Variants in GRIN2B observed in about 807,000 individuals in gnomAD.
GRIN2B encodes the protein glutamate ionotropic receptor NMDA type subunit 2B, also known as glutamate receptor ionotropic, NMDA 2B.
GRIN2B carries 5 observed loss-of-function variants against 114.5 expected under a neutral mutation model. That is an observed-to-expected ratio of 0.04 (90% CI 0.02 to 0.09). The LOEUF (loss-of-function observed/expected upper bound fraction) is 0.09. Ranked by LOEUF, GRIN2B falls within the 10% of genes least tolerant of loss-of-function variation. The pLI is 1.00. For missense variants in GRIN2B, 1,108 were observed against 1,943.5 expected (o/e 0.57, Z 8.08); for synonymous variants, 787 against 745.1 (o/e 1.06, Z -0.92).
intron 2 of GRIN2B, among the ~76,000 whole-genome samples, chr12:13,961,564 G>A (rs777469542): frequency 1.7e-4 from 26 of 152,144 alleles, no homozygotes; most frequent in Non-Finnish European, 3.5e-4. Context: ...GTGCAAAAAT[G>A]TTGACCATTT....
chr12:13,584,232 A>C (rs748251229), intron 10 of GRIN2B, among the ~76,000 whole-genome samples: 1 of 152,154 alleles, frequency 6.6e-6, no homozygotes, highest in Non-Finnish European at 1.5e-5. Context: ...TCTCTGCCCC[A>C]AAAGCCCTGG....
chr12:13,774,261 T>C (rs902270820), intron 3 of GRIN2B, among the ~76,000 whole-genome samples: 1 of 152,208 alleles, frequency 6.6e-6, no homozygotes. Flanking sequence ...AAGATAAAGA[T>C]AGAACCACTT....
chr12:13,860,376 T>G (rs1865732761), intron 3 of GRIN2B, among the ~76,000 whole-genome samples: 1 of 152,248 alleles, frequency 6.6e-6, no homozygotes, highest in African/African-American at 2.4e-5. Flanking sequence ...TCACTCAGGC[T>G]GGAGTGCAGT....
chr12:13,662,712 C>T (rs968375492), intron 5 of GRIN2B, among the ~76,000 whole-genome samples: 5 of 152,098 alleles, frequency 3.3e-5, no homozygotes, highest in African/African-American at 4.8e-5. Flanking sequence ...TAAACCCAAT[C>T]GGCCTCGTGT....
At chr12:13,849,781 A>C (rs1392536915) in intron 3 of GRIN2B, among the ~76,000 whole-genome samples, 1 of 152,010 alleles carries the variant, frequency 6.6e-6, no homozygotes, top group Non-Finnish European at 1.5e-5. Context: ...ACAAATACAC[A>C]CTGAGCACAC....
intron 4 of GRIN2B, among the ~76,000 whole-genome samples, chr12:13,702,813 G>T (rs1394800640): frequency 6.6e-6 from 1 of 152,118 alleles, no homozygotes; most frequent in East Asian, 1.9e-4. Context: ...CATACCACAT[G>T]TTTATGTGCT....
intron 3 of GRIN2B, among the ~76,000 whole-genome samples, chr12:13,774,132 C>T (rs941926673): frequency 6.6e-6 from 1 of 152,104 alleles, no homozygotes; most frequent in Non-Finnish European, 1.5e-5. Flanking sequence ...GGGAAAACTG[C>T]TTTTCTGTTA....
chr12:13,736,461 TG>T (rs202215138), intron 4 of GRIN2B, among the ~76,000 whole-genome samples: 2 of 151,256 alleles, frequency 1.3e-5, no homozygotes, highest in East Asian at 1.9e-4. Context: ...CCCACTAAAA[TG>T]TCCAGGTCTT....
At chr12:13,618,487 G>A (rs1408201427) in intron 5 of GRIN2B, among the ~76,000 whole-genome samples, 1 of 151,662 alleles carries the variant, frequency 6.6e-6, no homozygotes. Context: ...TACTAGCCTG[G>A]CCTATTATAG....
intron 3 of GRIN2B, among the ~76,000 whole-genome samples, chr12:13,808,745 A>T (rs1015900696): frequency 5.2e-5 from 2 of 38,178 alleles, no homozygotes; most frequent in African/African-American, 2.4e-4. Flanking sequence ...AAGTATAATA[A>T]AAAAAAAATA....
Position 13,928,745 on chromosome 12 carries a change from C to T in GRIN2B, c.-19+51183G>A, listed in dbSNP as rs141197584. On this transcript the variant is annotated intron_variant, in intron 2 of 13. Coordinates refer to ENST00000609686, the MANE Select transcript of GRIN2B (RefSeq NM_000834.5). ...TTTATCTTGCTTTTTATATCTTCCA[C>T]AAAGGAAAATGATCTTCAAACTGCA... is the stretch of plus-strand genomic sequence containing the variant. 1.6e-4 allele frequency among the ~76,000 whole-genome samples: 24 copies of T among 152,252 alleles called. No individual in the cohort carries two copies. The East Asian group carries it at 4.4e-3, about 28-fold the overall frequency.
chr12:13,577,223 G>A (rs949233386), intron 10 of GRIN2B, among the ~76,000 whole-genome samples: 7 of 152,164 alleles, frequency 4.6e-5, no homozygotes, highest in African/African-American at 9.7e-5. Context: ...CCTTCCCACC[G>A]CATTTAACAC....
intron 2 of GRIN2B, among the ~76,000 whole-genome samples, chr12:13,958,212 T>C (rs1867626426): frequency 6.6e-6 from 1 of 152,166 alleles, no homozygotes; most frequent in Non-Finnish European, 1.5e-5. Context: ...AGTGGACTAA[T>C]AATGGCAACA....
At chr12:13,800,899 G>A (rs1447097654) in intron 3 of GRIN2B, among the ~76,000 whole-genome samples, 1 of 152,146 alleles carries the variant, frequency 6.6e-6, no homozygotes, top group Non-Finnish European at 1.5e-5. Context: ...TGATATAAAT[G>A]ATGTAAGATG....
chr12:13,731,596 A>T (rs1466626938), intron 4 of GRIN2B, among the ~76,000 whole-genome samples: 2 of 152,112 alleles, frequency 1.3e-5, no homozygotes, highest in Admixed American at 6.5e-5. Context: ...GTGAGACTCC[A>T]TCTCAAACAA....
chr12:13,954,114 C>T (rs1471219930), intron 2 of GRIN2B, among the ~76,000 whole-genome samples: 3 of 152,188 alleles, frequency 2.0e-5, no homozygotes, highest in Non-Finnish European at 4.4e-5. Flanking sequence ...TTAGTGTCCT[C>T]AGCCACACAA....
chr12:13,710,466 A>T (rs1458450121), intron 4 of GRIN2B, among the ~76,000 whole-genome samples: 1 of 152,162 alleles, frequency 6.6e-6, no homozygotes, highest in Non-Finnish European at 1.5e-5. Context: ...ACACGATTGT[A>T]TGTCTAGAAA....
At chr12:13,808,594 T>C (rs1435894331) in intron 3 of GRIN2B, among the ~76,000 whole-genome samples, 1 of 137,266 alleles carries the variant, frequency 7.3e-6, no homozygotes, top group East Asian at 2.2e-4. Context: ...GGGCCTGTTG[T>C]GGGGTGGGGG....
Position 13,720,471 on chromosome 12 carries a change from G to A in GRIN2B, c.1010+32846C>T, listed in dbSNP as rs182510655. Among the ~76,000 whole-genome samples the A allele has an allele frequency of 1.1e-4, 16 of 152,186 alleles. No individual in the cohort carries two copies. The East Asian group carries it at 2.5e-3, about 24-fold the overall frequency. ...GCGGCAGATTTATGTCTTTGTGACT[G>A]TTCACCAACAGTGCATTAAGCTAAG... On this transcript the variant is annotated intron_variant, in intron 4 of 13. Transcript: ENST00000609686.
Sources: gnomAD v4.1 joint callset for allele counts (sites outside exome capture counted in the v4.1 genomes callset) on GRCh38, gnomAD v4.1.1 for gene constraint, MANE v1.5 for transcripts, NCBI Gene and HGNC (gene_info 2026-07-23, HGNC 2026-07-21) for gene names.